SMARCA5: variants seen among roughly 807,000 people sequenced by gnomAD.
SMARCA5 encodes the protein SNF2 related chromatin remodeling ATPase 5.
Under a neutral mutation model 140.4 loss-of-function variants are expected in SMARCA5, and 18 were observed. The observed-to-expected ratio is 0.13, with a 90% CI of 0.09 to 0.19. The LOEUF (loss-of-function observed/expected upper bound fraction) is 0.19, where lower values mean the gene tolerates loss of function less well. Among genes scored for constraint, SMARCA5 ranks in the 10% least tolerant of loss-of-function variants. The pLI, the probability that SMARCA5 is intolerant of heterozygous loss-of-function variation, is 1.00. For missense variants in SMARCA5, 606 were observed against 1,276.8 expected (o/e 0.47, Z 8.01); for synonymous variants, 449 against 419.6 (o/e 1.07, Z -0.86).
chr4:143,530,524 A>G lies in SMARCA5; in HGVS notation c.1156A>G (p.Met386Val). 1 of 1,606,520 alleles carries G rather than the reference A, an allele frequency of 6.2e-7. No individual in the cohort carries two copies. The highest frequency in any genetic ancestry group is 1.1e-5 in the South Asian group (1 of 90,618). ...TCAAAAACTAGTTGAGAGGCTTCAT[A>G]TGGTAAGTATTTTGGAGTAGTGTTA... Reference protein sequence around the residue: ...GDQKLVERLHMVLRPFLLRRI... With the variant: ...GDQKLVERLHVVLRPFLLRRI... The change falls in exon 9 of 24, where the codon ATG (methionine) becomes GTG (valine). Residue 386 changes from methionine to valine, a missense_variant and splice_region_variant. By Grantham distance (21) the Met-to-Val change is conservative. Coordinates refer to ENST00000283131, the MANE Select transcript of SMARCA5 (RefSeq NM_003601.4).
intron 2 of SMARCA5, among the ~76,000 whole-genome samples, chr4:143,520,349 G>A (rs1736931042): frequency 1.3e-5 from 2 of 152,258 alleles, no homozygotes; most frequent in South Asian, 4.2e-4. Flanking sequence ...ACAGAGGCTT[G>A]TCATCTGTAG....
chr4:143,521,699 C>T lies in SMARCA5; in HGVS notation c.419+104C>T, dbSNP rs534444360. On this transcript the variant is annotated intron_variant, in intron 3 of 23. Coordinates refer to ENST00000283131, the MANE Select transcript of SMARCA5 (RefSeq NM_003601.4). ...TAAATAACTTAAAATTATTTTAGTGCCATTATTTATTTGGCCCTGTTTGGC... is the reference window on the plus strand; with the variant it reads ...TAAATAACTTAAAATTATTTTAGTGTCATTATTTATTTGGCCCTGTTTGGC... 3 of 1,039,280 alleles carry T rather than the reference C, an allele frequency of 2.9e-6. No homozygotes were observed. The East Asian group carries it at 7.9e-5, about 28-fold the overall frequency. 64.4% of individuals were successfully genotyped at this position (1,039,280 alleles called of 1,614,324 possible).
chr4:143,535,311 C>T (rs560122278), intron 10 of SMARCA5, among the ~76,000 whole-genome samples: 97 of 152,228 alleles, frequency 6.4e-4, no homozygotes, highest in Middle Eastern at 3.4e-3. Flanking sequence ...TTCATAAATA[C>T]TGGGTCAGTG....
chr4:143,515,646 T>G (rs1330306522), intron 1 of SMARCA5, among the ~76,000 whole-genome samples: 1 of 152,220 alleles, frequency 6.6e-6, no homozygotes, highest in African/African-American at 2.4e-5. Context: ...CATTTTTGAC[T>G]TGAAGTTGCT....
chr4:143,545,603 T>C lies in SMARCA5; in HGVS notation c.2397+20T>C, dbSNP rs200930671. The C allele has an allele frequency of 7.6e-7, 1 of 1,323,446 alleles. No homozygotes were observed. Among genetic ancestry groups the C allele is most frequent in the Non-Finnish European group, 1.1e-6 (1 of 920,544 alleles). 82.0% of individuals were successfully genotyped at this position (1,323,446 alleles called of 1,614,324 possible). On this transcript the variant is annotated intron_variant, in intron 18 of 23. Coordinates refer to ENST00000283131, the MANE Select transcript of SMARCA5 (RefSeq NM_003601.4). ...TACAAGGTAATTGAAATTATCTGCCTTTCTGTTCATTCCTATCCAGAAATT... is the reference window on the plus strand; with the variant it reads ...TACAAGGTAATTGAAATTATCTGCCCTTCTGTTCATTCCTATCCAGAAATT...
chr4:143,538,926 T>C lies in SMARCA5; in HGVS notation c.1758T>C (p.Asp586=), dbSNP rs371207357. 6.2e-6 allele frequency: 10 copies of C among 1,613,834 alleles called. No homozygotes were observed. The highest frequency in any genetic ancestry group is 8.5e-6 in the Non-Finnish European group (10 of 1,179,840). Residue 586 remains aspartate (D), a synonymous_variant, in exon 13 of 24, where the codon GAT becomes GAC. Coordinates refer to ENST00000283131, the MANE Select transcript of SMARCA5 (RefSeq NM_003601.4). ...ATTCTGATTGGAATCCCCAAGTAGA[T>C]CTTCAGGCTATGGTAAGAGATAACG... ...LYDSDWNPQV[D]LQAMDRAHRI...
At chr4:143,545,360 A>G (rs1737502580) in intron 17 of SMARCA5, 110 bp from the exon 18 acceptor site, 1 of 699,838 alleles carries the variant, frequency 1.4e-6, no homozygotes. Flanking sequence ...TGAAAGATGC[A>G]TTCAGTTGCT....
chr4:143,520,739 G>A (rs892894172), intron 2 of SMARCA5, among the ~76,000 whole-genome samples: 11 of 152,012 alleles, frequency 7.2e-5, no homozygotes, highest in Non-Finnish European at 1.3e-4. Flanking sequence ...TATAAAGGCT[G>A]CCTAATGGCT....
At chr4:143,534,749 C>G (rs976104641) in intron 9 of SMARCA5, 106 bp from the exon 10 acceptor site, 4 of 720,246 alleles carry the variant, frequency 5.6e-6, no homozygotes, top group Non-Finnish European at 8.7e-6. Flanking sequence ...TTGATACTCA[C>G]GCAGAGAAAT....
At chr4:143,542,021 C>T (rs1198950617) in intron 14 of SMARCA5, among the ~76,000 whole-genome samples, 1 of 151,996 alleles carries the variant, frequency 6.6e-6, no homozygotes, top group African/African-American at 2.4e-5. Context: ...CCACACCTGG[C>T]TAATTTTTTT....
At position 143,553,741 on chromosome 4, in the gene SMARCA5, T is replaced by C. The variant is rs1287508603; in HGVS notation, c.*557T>C. The C allele has an allele frequency of 6.6e-6, 1 of 152,210 alleles. No individual in the cohort carries two copies. The highest frequency in any genetic ancestry group is 1.5e-5 in the Non-Finnish European group (1 of 68,030). 9.4% of individuals were successfully genotyped at this position (152,210 alleles called of 1,614,324 possible). ...TACTTAAATTCTATGCATATTTCTG[T>C]TATGCTTTCTGTTTTTTTTAGTTGA... On this transcript the variant is annotated 3_prime_UTR_variant, in exon 24 of 24. Coordinates refer to ENST00000283131, the MANE Select transcript of SMARCA5 (RefSeq NM_003601.4).
chr4:143,536,378 G>T (rs760641735), intron 10 of SMARCA5, 74 bp from the exon 11 acceptor site: 9 of 974,960 alleles, frequency 9.2e-6, no homozygotes, highest in Non-Finnish European at 1.3e-5. Context: ...TGGGGAAGGG[G>T]ATTAAGTATG....
intron 6 of SMARCA5, among the ~76,000 whole-genome samples, chr4:143,527,617 T>TTC (rs1737101280): frequency 6.6e-6 from 1 of 152,218 alleles, no homozygotes; most frequent in Admixed American, 6.5e-5. Flanking sequence ...AAAGACATTT[T>TTC]AAGTGTCTAT....
rs1428456030 is a variant in SMARCA5, at chr4:143,545,517, T to C, written c.2331T>C (p.Phe777=). ...KQPNVQDFQF[F]PPRLFELLEK... ...CCAATGTTCAGGATTTCCAGTTCTT[T>C]CCTCCACGTTTATTTGAATTACTGG... The change falls in exon 18 of 24, where the codon TTT becomes TTC. Residue 777 remains phenylalanine (F), a synonymous_variant. Coordinates refer to ENST00000283131, the MANE Select transcript of SMARCA5 (RefSeq NM_003601.4). 3 of 1,613,596 alleles carry C rather than the reference T, an allele frequency of 1.9e-6. No individual in the cohort carries two copies. Among genetic ancestry groups the C allele is most frequent in the Non-Finnish European group, 2.5e-6 (3 of 1,179,654 alleles).
intron 23 of SMARCA5, among the ~76,000 whole-genome samples, chr4:143,552,914 A>G (rs1874675): frequency 0.48 from 65,893 of 136,914 alleles, 14,641 homozygotes; most frequent in East Asian, 0.76. Context: ...TAACATTAAC[A>G]TTTTTTATTC....
Position 143,545,568 on chromosome 4 carries a change from A to C in SMARCA5, c.2382A>C (p.Lys794Asn). The change falls in exon 18 of 24, where the codon AAA becomes AAC. Residue 794 changes from lysine (K) to asparagine (N), a missense_variant. Transcript: ENST00000283131. ...LLEKEILFYR[K>N]TIGYKVPRNP... ...AAAAAGAAATTCTGTTTTACAGAAA[A>C]ACTATTGGGTACAAGGTAATTGAAA... 6.4e-7 allele frequency: 1 copy of C among 1,572,402 alleles called. No homozygotes were observed. The highest frequency in any genetic ancestry group is 8.8e-7 in the Non-Finnish European group (1 of 1,142,380).
chr4:143,530,896 C>A (rs748155895), intron 9 of SMARCA5, among the ~76,000 whole-genome samples: 15 of 152,176 alleles, frequency 9.9e-5, no homozygotes, highest in Admixed American at 2.0e-4. Flanking sequence ...CTCACTGAAA[C>A]CTCTGCCTCC....
chr4:143,535,515 G>C (rs1477007104), intron 10 of SMARCA5, among the ~76,000 whole-genome samples: 1 of 152,160 alleles, frequency 6.6e-6, no homozygotes, highest in Non-Finnish European at 1.5e-5. Flanking sequence ...ATCATATAGA[G>C]AACTGGGCAT....
At chr4:143,545,308 T>C (rs1365482445) in intron 17 of SMARCA5, among the ~76,000 whole-genome samples, 162 bp from the exon 18 acceptor site, 1 of 152,240 alleles carries the variant, frequency 6.6e-6, no homozygotes, top group African/African-American at 2.4e-5. Flanking sequence ...AAATTAATTT[T>C]GAATCTGTGC....
Sources: allele counts gnomAD v4.1 joint callset (sites outside exome capture counted in the v4.1 genomes callset), GRCh38; gene constraint gnomAD v4.1.1; transcripts MANE v1.5; gene names NCBI Gene and HGNC (gene_info 2026-07-23, HGNC 2026-07-21).